PLCL1: variants seen among roughly 807,000 people sequenced by gnomAD.
PLCL1 encodes the protein inactive phospholipase C-like protein 1.
In PLCL1, 41 loss-of-function variants were observed where a neutral mutation model predicts 84.4. That is an observed-to-expected ratio of 0.49 (90% CI 0.38 to 0.63). PLCL1 has a LOEUF of 0.63. PLCL1 is among the 30% of genes least tolerant of loss of function. The pLI is 0.00. For synonymous variants in PLCL1, 490 were observed against 488.3 expected, an observed-to-expected ratio of 1.00 and a Z score of -0.05; for missense variants, 1,206 against 1,367.8, an observed-to-expected ratio of 0.88 and a Z score of 1.87.
chr2:197,978,816 T>C (rs1301970468), intron 1 of PLCL1, among the ~76,000 whole-genome samples: 1 of 152,104 alleles, frequency 6.6e-6, no homozygotes, highest in African/African-American at 2.4e-5. Flanking sequence ...ACTGGCACCA[T>C]GCAGACACGC....
intron 1 of PLCL1, among the ~76,000 whole-genome samples, chr2:197,901,765 G>A (rs969051415): frequency 1.3e-5 from 2 of 152,160 alleles, no homozygotes; most frequent in African/African-American, 4.8e-5. Flanking sequence ...AGGCAGATGA[G>A]AGTTATCTTC....
At chr2:198,081,471 A>C (rs1692712517) in intron 1 of PLCL1, among the ~76,000 whole-genome samples, 1 of 152,198 alleles carries the variant, frequency 6.6e-6, no homozygotes, top group African/African-American at 2.4e-5. Context: ...GGTTGTGACA[A>C]ATTTAAATGT....
intron 1 of PLCL1, among the ~76,000 whole-genome samples, chr2:197,894,686 G>A (rs969560149): frequency 6.6e-5 from 10 of 152,034 alleles, no homozygotes; most frequent in African/African-American, 2.2e-4. Flanking sequence ...TTTGCCTAGA[G>A]CTGAGTGTTT....
chr2:197,967,508 T>A (rs778329323), intron 1 of PLCL1, among the ~76,000 whole-genome samples: 17 of 152,244 alleles, frequency 1.1e-4, no homozygotes, highest in Non-Finnish European at 2.4e-4. Context: ...CATTCTAAAC[T>A]GAGTAATTAG....
At chr2:197,888,792 A>C (rs1687964763) in intron 1 of PLCL1, among the ~76,000 whole-genome samples, 1 of 152,146 alleles carries the variant, frequency 6.6e-6, no homozygotes, top group African/African-American at 2.4e-5. Context: ...AGCATATCTC[A>C]TGATTCCTGC....
intron 1 of PLCL1, among the ~76,000 whole-genome samples, chr2:197,806,212 T>C (rs1456840922): frequency 6.6e-6 from 1 of 152,156 alleles, no homozygotes; most frequent in Non-Finnish European, 1.5e-5. Flanking sequence ...CAAATGTATG[T>C]CAGATTAAAA....
chr2:197,974,544 T>C (rs1437072530), intron 1 of PLCL1, among the ~76,000 whole-genome samples: 1 of 152,224 alleles, frequency 6.6e-6, no homozygotes, highest in Non-Finnish European at 1.5e-5. Context: ...AATTTGCAAG[T>C]ACTGATGATA....
At chr2:197,949,615 C>T (rs1038934449) in intron 1 of PLCL1, among the ~76,000 whole-genome samples, 4 of 152,062 alleles carry the variant, frequency 2.6e-5, no homozygotes, top group South Asian at 2.1e-4. Context: ...TAGGTTGATA[C>T]CCTTACATAA....
intron 1 of PLCL1, among the ~76,000 whole-genome samples, chr2:197,995,004 C>T (rs1194097354): frequency 6.6e-6 from 1 of 152,068 alleles, no homozygotes; most frequent in African/African-American, 2.4e-5. Flanking sequence ...CAATGCTTGC[C>T]CCATAAGTTT....
At chr2:197,894,043 A>G (rs1688083576) in intron 1 of PLCL1, among the ~76,000 whole-genome samples, 1 of 151,868 alleles carries the variant, frequency 6.6e-6, no homozygotes, top group South Asian at 2.1e-4. Flanking sequence ...GGGTAGTGCC[A>G]GCCTCATCTG....
At chr2:197,901,736 A>T (rs1688272974) in intron 1 of PLCL1, among the ~76,000 whole-genome samples, 1 of 152,236 alleles carries the variant, frequency 6.6e-6, no homozygotes, top group African/African-American at 2.4e-5. Flanking sequence ...ATTTGGGAGC[A>T]AAGTTATTCA....
intron 5 of PLCL1, among the ~76,000 whole-genome samples, chr2:198,132,459 G>A (rs186671477): frequency 7.9e-5 from 12 of 151,886 alleles, no homozygotes; most frequent in Non-Finnish European, 1.3e-4. Context: ...GTTTTTTTGG[G>A]GGGGGGAGTC....
intron 1 of PLCL1, among the ~76,000 whole-genome samples, chr2:197,895,966 T>C (rs1383355263): frequency 6.6e-6 from 1 of 151,976 alleles, no homozygotes; most frequent in Non-Finnish European, 1.5e-5. Flanking sequence ...ATTGCTGTCC[T>C]CATTCAACAT....
chr2:197,868,499 A>C (rs1006898789), intron 1 of PLCL1, among the ~76,000 whole-genome samples: 1 of 152,048 alleles, frequency 6.6e-6, no homozygotes, highest in South Asian at 2.1e-4. Context: ...GTTTTTAAAA[A>C]ATTTTACACT....
intron 1 of PLCL1, among the ~76,000 whole-genome samples, chr2:197,956,198 A>T (rs1022187678): frequency 1.3e-5 from 2 of 152,088 alleles, no homozygotes; most frequent in African/African-American, 4.8e-5. Context: ...TATGTGCCAC[A>T]TGTTCTTTAT....
chr2:197,863,908 T>C (rs187697037), intron 1 of PLCL1, among the ~76,000 whole-genome samples: 2 of 152,344 alleles, frequency 1.3e-5, no homozygotes, highest in Non-Finnish European at 1.5e-5. Flanking sequence ...GTGACTTCTT[T>C]GGTATGGCCT....
chr2:197,837,164 G>A (rs760068519), intron 1 of PLCL1, among the ~76,000 whole-genome samples: 1 of 152,190 alleles, frequency 6.6e-6, no homozygotes, highest in Non-Finnish European at 1.5e-5. Flanking sequence ...GAGTCATGGG[G>A]TTTGTGAGAC....
chr2:198,031,061 C>G (rs1691403634), intron 1 of PLCL1, among the ~76,000 whole-genome samples: 1 of 152,008 alleles, frequency 6.6e-6, no homozygotes, highest in Non-Finnish European at 1.5e-5. Flanking sequence ...AGTTGCTTTA[C>G]TAATATAATG....
intron 1 of PLCL1, among the ~76,000 whole-genome samples, chr2:197,817,342 G>T (rs1031970038): frequency 6.6e-6 from 1 of 152,034 alleles, no homozygotes; most frequent in African/African-American, 2.4e-5. Flanking sequence ...TGTGATAAAT[G>T]AACTGATGTT....
Sources: allele counts gnomAD v4.1 joint callset (sites outside exome capture counted in the v4.1 genomes callset), GRCh38; gene constraint gnomAD v4.1.1; transcripts MANE v1.5; gene names NCBI Gene and HGNC (gene_info 2026-07-23, HGNC 2026-07-21).